Variants in DAB1 observed in about 807,000 individuals in gnomAD.
The protein encoded by DAB1 is DAB adaptor protein 1.
In DAB1, 15 loss-of-function variants were observed where a neutral mutation model predicts 64.6. The ratio of observed to expected loss-of-function variants is 0.23; its 90% CI spans 0.16 to 0.36. DAB1 has a LOEUF of 0.36. DAB1 is among the 10% of genes least tolerant of loss of function. The pLI is 1.00. For synonymous variants in DAB1, 235 were observed against 251.9 expected, an observed-to-expected ratio of 0.93 and a Z score of 0.64; for missense variants, 596 against 706.7, an observed-to-expected ratio of 0.84 and a Z score of 1.78.
chr1:58,224,140 C>T (rs1452992141), intron 4 of DAB1, among the ~76,000 whole-genome samples: 4 of 152,170 alleles, frequency 2.6e-5, no homozygotes, highest in Admixed American at 2.6e-4. Flanking sequence ...TCAGACAAAC[C>T]AGGTTCAAAT....
intron 5 of DAB1, among the ~76,000 whole-genome samples, chr1:57,985,734 A>G (rs1318866742): frequency 6.6e-6 from 1 of 152,142 alleles, no homozygotes; most frequent in African/African-American, 2.4e-5. Flanking sequence ...TGTCCCGGAC[A>G]GAGTTGTCTT....
chr1:57,763,663 G>A (rs1367737985), intron 6 of DAB1, among the ~76,000 whole-genome samples: 3 of 152,122 alleles, frequency 2.0e-5, no homozygotes, highest in Non-Finnish European at 4.4e-5. Flanking sequence ...GAATGACAAA[G>A]CAAGACCTTA....
chr1:57,243,358 C>T (rs1026958699), intron 2 of DAB1, among the ~76,000 whole-genome samples: 1 of 152,152 alleles, frequency 6.6e-6, no homozygotes, highest in Non-Finnish European at 1.5e-5. Context: ...GCATCTCTCC[C>T]ACAGACATGC....
chr1:58,267,974 A>T (rs594016), intron 4 of DAB1, among the ~76,000 whole-genome samples: 96,940 of 151,922 alleles, frequency 0.64, 32,730 homozygotes, highest in East Asian at 0.87. Context: ...CCAATTACTC[A>T]CACTTAACTA....
intron 5 of DAB1, among the ~76,000 whole-genome samples, chr1:58,064,168 C>G (rs968362231): frequency 6.6e-6 from 1 of 152,282 alleles, no homozygotes; most frequent in East Asian, 1.9e-4. Context: ...GAAAGAACCA[C>G]GGGGCCTCGT....
chr1:57,339,194 C>T (rs376940233), intron 1 of DAB1, among the ~76,000 whole-genome samples: 4 of 147,886 alleles, frequency 2.7e-5, no homozygotes, highest in South Asian at 2.1e-4. Context: ...CTCGCTCTGT[C>T]GCCCAGGCTG....
intron 7 of DAB1, among the ~76,000 whole-genome samples, chr1:57,594,274 G>A (rs1482347439): frequency 1.3e-5 from 2 of 152,198 alleles, no homozygotes; most frequent in Non-Finnish European, 2.9e-5. Flanking sequence ...ACTCTGAGGA[G>A]AAAGCACACT....
intron 5 of DAB1, among the ~76,000 whole-genome samples, chr1:58,145,719 A>C (rs1049420349): frequency 2.0e-5 from 3 of 152,226 alleles, no homozygotes; most frequent in Non-Finnish European, 4.4e-5. Flanking sequence ...CAAGGAGAAA[A>C]ATAGAAAGTC....
At chr1:58,139,724 TA>T (rs1654169520) in intron 5 of DAB1, among the ~76,000 whole-genome samples, 1 of 152,230 alleles carries the variant, frequency 6.6e-6, no homozygotes, top group Non-Finnish European at 1.5e-5. Context: ...TAAGCCTTGC[TA>T]AAAGATGTAA....
At chr1:57,715,366 A>G (rs1647072277) in intron 6 of DAB1, among the ~76,000 whole-genome samples, 1 of 152,214 alleles carries the variant, frequency 6.6e-6, no homozygotes, top group Non-Finnish European at 1.5e-5. Context: ...TAATATCTGG[A>G]AGAAGACAAG....
intron 3 of DAB1, among the ~76,000 whole-genome samples, chr1:58,447,671 G>A (rs918602428): frequency 1.3e-5 from 2 of 152,174 alleles, no homozygotes; most frequent in Non-Finnish European, 2.9e-5. Flanking sequence ...GCAAATGTAT[G>A]ACAGAACAAT....
In DAB1 at chr1:57,243,064, G is replaced by A. The variant is rs145759461; in HGVS notation, c.67+47900C>T. Among the ~76,000 whole-genome samples the A allele has an allele frequency of 2.3e-3, 350 of 152,266 alleles. 1 individual carries two copies. The highest frequency in any genetic ancestry group is 8.1e-3 in the African/African-American group (336 of 41,544). ...TACCAGCACTGGAGGGTCCTAAAGC[G>A]GATACTCTGAGGTTCCCCTGACTGC... On this transcript the variant is annotated intron_variant, in intron 2 of 14. Transcript: ENST00000371236.
At chr1:57,621,238 C>T (rs1191994198) in intron 7 of DAB1, among the ~76,000 whole-genome samples, 4 of 141,190 alleles carry the variant, frequency 2.8e-5, no homozygotes, top group Non-Finnish European at 6.1e-5. Context: ...CTTGAGTTTG[C>T]GTTTAAGAGA....
chr1:57,288,066 G>A (rs1376785374), intron 2 of DAB1, among the ~76,000 whole-genome samples: 1 of 152,152 alleles, frequency 6.6e-6, no homozygotes, highest in Non-Finnish European at 1.5e-5. Flanking sequence ...AAAGTGCAGG[G>A]ATTACAGGCG....
chr1:57,949,483 CTAT>C (rs1645235352), intron 5 of DAB1, among the ~76,000 whole-genome samples: 1 of 150,340 alleles, frequency 6.7e-6, no homozygotes, highest in African/African-American at 2.5e-5. Flanking sequence ...ATCTATCTAT[CTAT>C]CTATCTATCT....
At chr1:57,132,733 T>G (rs1657747901) in intron 4 of DAB1, among the ~76,000 whole-genome samples, 1 of 152,120 alleles carries the variant, frequency 6.6e-6, no homozygotes, top group African/African-American at 2.4e-5. Context: ...CATATATGGG[T>G]TATACTGTCA....
At chr1:57,151,769 GT>G (rs1284125014) in intron 2 of DAB1, among the ~76,000 whole-genome samples, 1 of 146,468 alleles carries the variant, frequency 6.8e-6, no homozygotes, top group Non-Finnish European at 1.5e-5. Flanking sequence ...TTCAACTCTG[GT>G]TTCTTAAAAA....
chr1:57,403,471 T>C (rs764565401), intron 1 of DAB1, among the ~76,000 whole-genome samples: 38 of 152,318 alleles, frequency 2.5e-4, no homozygotes, highest in East Asian at 1.9e-4. Flanking sequence ...GAAAACTCTC[T>C]TGCAGACTGA....
intron 3 of DAB1, among the ~76,000 whole-genome samples, chr1:58,475,939 A>G (rs1006597558): frequency 6.6e-6 from 1 of 152,366 alleles, no homozygotes; most frequent in Non-Finnish European, 1.5e-5. Flanking sequence ...AACCTTAAGT[A>G]TAGAATAACA....
Sources: allele counts gnomAD v4.1 joint callset (sites outside exome capture counted in the v4.1 genomes callset), GRCh38; gene constraint gnomAD v4.1.1; transcripts MANE v1.5; gene names NCBI Gene and HGNC (gene_info 2026-07-23, HGNC 2026-07-21).